The following NDST3 variants were observed in gnomAD, a reference collection of about 807,000 sequenced individuals.
The protein encoded by NDST3 is bifunctional heparan sulfate N-deacetylase/N-sulfotransferase 3.
A neutral mutation model predicts 96.1 loss-of-function variants in NDST3; 58 were observed. The observed-to-expected ratio is 0.60, with a 90% confidence interval of 0.49 to 0.75. The LOEUF (loss-of-function observed/expected upper bound fraction) is 0.75. Among genes scored for constraint, NDST3 ranks in the 30% least tolerant of loss-of-function variants. NDST3 has a pLI of 0.00. For missense variants in NDST3, 788 were observed against 1,034.2 expected, an observed-to-expected ratio of 0.76 and a Z score of 3.27; for synonymous variants, 333 against 359.7, an observed-to-expected ratio of 0.93 and a Z score of 0.84.
intron 6 of NDST3, among the ~76,000 whole-genome samples, chr4:118,175,454 G>C (rs79801304): frequency 0.012 from 1,822 of 152,044 alleles, 33 homozygotes; most frequent in African/African-American, 0.042. Flanking sequence ...TCACTAAGTA[G>C]TGCCCACATT....
Position 118,054,058 on chromosome 4 carries a change from G to T in NDST3, c.148G>T (p.Val50Phe). 1 of 1,613,002 alleles carries T rather than the reference G, an allele frequency of 6.2e-7. No individual in the cohort carries two copies. Among genetic ancestry groups the T allele is most frequent in the Non-Finnish European group, 8.5e-7 (1 of 1,179,306 alleles). The change falls in exon 2 of 14, where the codon GTT (valine) becomes TTT (phenylalanine). Residue 50 changes from valine (V) to phenylalanine (F), a missense_variant. Coordinates refer to ENST00000296499, the MANE Select transcript of NDST3 (RefSeq NM_004784.3). ...TGAACTCTCTGAGACGGCTTCAGAA[G>T]TTGACTGTGGCGACCTCCAACACCT... ...ENELSETASE[V>F]DCGDLQHLPY... is the part of the protein sequence containing the mutation.
chr4:118,208,702 C>T (rs1738600316), intron 6 of NDST3, among the ~76,000 whole-genome samples: 1 of 144,286 alleles, frequency 6.9e-6, no homozygotes, highest in Admixed American at 6.9e-5. Context: ...TGAGTCTTTA[C>T]TCTCTACTTA....
intron 6 of NDST3, among the ~76,000 whole-genome samples, chr4:118,190,717 T>C (rs990649406): frequency 5.9e-5 from 9 of 152,192 alleles, no homozygotes; most frequent in Admixed American, 1.3e-4. Context: ...GGTTTGACTT[T>C]GCTGCATAGT....
At chr4:118,089,796 T>C (rs10005348) in intron 2 of NDST3, among the ~76,000 whole-genome samples, 156 of 152,074 alleles carry the variant, frequency 1.0e-3, no homozygotes, top group African/African-American at 3.5e-3. Context: ...AAGGGCTTTA[T>C]GTAAGGAGGA....
chr4:118,116,433 A>G (rs1454020468), intron 4 of NDST3, among the ~76,000 whole-genome samples: 1 of 152,186 alleles, frequency 6.6e-6, no homozygotes, highest in Non-Finnish European at 1.5e-5. Context: ...GCTTTGATAA[A>G]AGACATGTCA....
intron 1 of NDST3, among the ~76,000 whole-genome samples, chr4:118,051,248 T>C (rs1725058448): frequency 6.6e-6 from 1 of 152,042 alleles, no homozygotes; most frequent in Admixed American, 6.6e-5. Flanking sequence ...GCTGTAATCC[T>C]AAGCAAATTA....
At chr4:118,106,909 T>C (rs1480622890) in intron 3 of NDST3, among the ~76,000 whole-genome samples, 1 of 152,086 alleles carries the variant, frequency 6.6e-6, no homozygotes, top group African/African-American at 2.4e-5. Context: ...GCTAACACAG[T>C]GAAAACCTGT....
intron 6 of NDST3, among the ~76,000 whole-genome samples, chr4:118,165,996 A>G (rs35235550): frequency 0.51 from 77,517 of 151,250 alleles, 23,910 homozygotes; most frequent in East Asian, 0.74. Flanking sequence ...ATTCTACCTC[A>G]GGGAAACTCA....
intron 6 of NDST3, among the ~76,000 whole-genome samples, chr4:118,151,446 A>G (rs1377903870): frequency 6.6e-6 from 1 of 152,114 alleles, no homozygotes; most frequent in Non-Finnish European, 1.5e-5. Context: ...AAATAAAATA[A>G]AAGTAATTCC....
intron 2 of NDST3, among the ~76,000 whole-genome samples, chr4:118,092,856 A>C (rs1482843392): frequency 6.6e-6 from 1 of 151,862 alleles, no homozygotes; most frequent in Non-Finnish European, 1.5e-5. Flanking sequence ...GGAGAAAATA[A>C]TGCAGGGCAA....
intron 2 of NDST3, among the ~76,000 whole-genome samples, chr4:118,075,297 A>G (rs1269182871): frequency 6.6e-6 from 1 of 152,178 alleles, no homozygotes; most frequent in Non-Finnish European, 1.5e-5. Flanking sequence ...CCAGTCTATC[A>G]TTGTTGGACA....
intron 6 of NDST3, among the ~76,000 whole-genome samples, chr4:118,198,246 C>G (rs1737831024): frequency 6.6e-6 from 1 of 151,990 alleles, no homozygotes; most frequent in South Asian, 2.1e-4. Flanking sequence ...TTCTTTCTTT[C>G]CTTCATGTCT....
intron 6 of NDST3, among the ~76,000 whole-genome samples, chr4:118,214,975 A>G (rs1288568701): frequency 6.6e-6 from 1 of 152,168 alleles, no homozygotes; most frequent in Non-Finnish European, 1.5e-5. Flanking sequence ...CTAGGAAACT[A>G]GCAGTGATGA....
chr4:118,139,589 C>T (rs151045312), intron 5 of NDST3, among the ~76,000 whole-genome samples: 2 of 152,276 alleles, frequency 1.3e-5, no homozygotes, highest in African/African-American at 4.8e-5. Flanking sequence ...GGAGAGAATG[C>T]ATCTAGAAAT....
intron 6 of NDST3, among the ~76,000 whole-genome samples, chr4:118,217,897 T>G (rs1161222051): frequency 6.6e-6 from 1 of 151,974 alleles, no homozygotes; most frequent in Non-Finnish European, 1.5e-5. Context: ...AAAACTATCA[T>G]CAGAGAATAC....
At chr4:118,059,612 G>A (rs1725731992) in intron 2 of NDST3, among the ~76,000 whole-genome samples, 1 of 151,524 alleles carries the variant, frequency 6.6e-6, no homozygotes, top group Non-Finnish European at 1.5e-5. Context: ...GGTGCGCTCT[G>A]TGCTGCTTGA....
chr4:118,201,644 C>T (rs1738094094), intron 6 of NDST3, among the ~76,000 whole-genome samples: 1 of 151,922 alleles, frequency 6.6e-6, no homozygotes, highest in African/African-American at 2.4e-5. Context: ...TGGTGTTTTG[C>T]CTGTTGATTT....
At chr4:118,076,044 CT>C (rs1170113949) in intron 2 of NDST3, among the ~76,000 whole-genome samples, 2 of 152,078 alleles carry the variant, frequency 1.3e-5, no homozygotes, top group Non-Finnish European at 2.9e-5. Context: ...TCTTATTTCT[CT>C]TTTGCTTATG....
chr4:118,172,329 G>A (rs994631814), intron 6 of NDST3, among the ~76,000 whole-genome samples: 1 of 152,094 alleles, frequency 6.6e-6, no homozygotes, highest in Non-Finnish European at 1.5e-5. Context: ...TCCACTTCTA[G>A]GGATGTCTCC....
Sources: gnomAD v4.1 joint callset for allele counts (sites outside exome capture counted in the v4.1 genomes callset) on GRCh38, gnomAD v4.1.1 for gene constraint, MANE v1.5 for transcripts, NCBI Gene and HGNC (gene_info 2026-07-23, HGNC 2026-07-21) for gene names.